ELAVL1: variants seen among roughly 807,000 people sequenced by gnomAD.
ELAVL1 encodes the protein ELAV like RNA binding protein 1, also known as ELAV-like protein 1.
In ELAVL1, 1 loss-of-function variant was observed where a neutral mutation model predicts 28.4. The observed-to-expected ratio is 0.04, with a 90% CI of 0.01 to 0.17. The LOEUF (loss-of-function observed/expected upper bound fraction) is 0.17, where lower values mean the gene tolerates loss of function less well. Among genes scored for constraint, ELAVL1 ranks in the 10% least tolerant of loss-of-function variants. The probability of loss-of-function intolerance (pLI) is 1.00; values close to 1 mark genes in which losing one functional copy is unlikely to be tolerated. For missense variants in ELAVL1, 157 were observed against 447.2 expected (o/e 0.35, Z 5.85); for synonymous variants, 174 against 183.5 (o/e 0.95, Z 0.42).
chr19:7,977,527 CAG>C (rs57368757), intron 3 of ELAVL1, among the ~76,000 whole-genome samples: 8,211 of 152,248 alleles, frequency 0.054, 583 homozygotes, highest in African/African-American at 0.16. Flanking sequence ...GAGCTGCACA[CAG>C]AGACTGTGCA....
Position 7,960,139 on chromosome 19 carries a change from T to A in ELAVL1, c.*3344A>T, listed in dbSNP as rs1162487206. 1.3e-5 allele frequency: 2 copies of A among 152,162 alleles called. No individual in the cohort carries two copies. The highest frequency in any genetic ancestry group is 4.8e-5 in the African/African-American group (2 of 41,438). The allele number at this position is 152,162 out of a possible 1,614,324, so 9.4% of individuals were successfully genotyped here. On this transcript the variant is annotated 3_prime_UTR_variant, in exon 6 of 6. Coordinates refer to ENST00000407627, the MANE Select transcript of ELAVL1 (RefSeq NM_001419.3). ...TTGGAAGCAAACCGGGTCAAGGAAT[T>A]GCCACTAACCGTCTTCGGGTGCTTC...
chr19:7,984,911 C>A (rs562726043), intron 2 of ELAVL1, among the ~76,000 whole-genome samples: 2 of 152,294 alleles, frequency 1.3e-5, no homozygotes, highest in East Asian at 3.9e-4. Flanking sequence ...CCAATGAAGT[C>A]AGAAAAGGAG....
At chr19:7,978,220 A>G (rs140537875) in intron 3 of ELAVL1, among the ~76,000 whole-genome samples, 3 of 152,330 alleles carry the variant, frequency 2.0e-5, no homozygotes, top group Non-Finnish European at 4.4e-5. Context: ...GAAGCTTGTA[A>G]AACTCCTGGA....
At chr19:8,001,626 TAAAA>T (rs1218181799) in intron 1 of ELAVL1, among the ~76,000 whole-genome samples, 1 of 145,244 alleles carries the variant, frequency 6.9e-6, no homozygotes, top group Non-Finnish European at 1.5e-5. Flanking sequence ...GTCTCACTCT[TAAAA>T]AAAATTTTTT....
chr19:7,986,641 A>T (rs1030610458), intron 2 of ELAVL1, among the ~76,000 whole-genome samples: 1 of 152,238 alleles, frequency 6.6e-6, no homozygotes, highest in Non-Finnish European at 1.5e-5. Context: ...ACCGGCAGGA[A>T]GACTTTCTAT....
chr19:7,973,561 C>G, intron 4 of ELAVL1, 164 bp downstream of exon 4: 1 of 846,224 alleles, frequency 1.2e-6, no homozygotes, highest in Non-Finnish European at 1.8e-6. Context: ...CATCTTACCT[C>G]CTCAGCCTCC....
intron 4 of ELAVL1, chr19:7,973,394 C>A: frequency 2.5e-6 from 1 of 398,568 alleles, no homozygotes; most frequent in East Asian, 3.7e-5. Context: ...CCATGCCCAG[C>A]TAATTTTTTG....
rs1985393308 is a variant in ELAVL1, at chr19:7,979,498, C to T, written c.276+1585G>A. ...GAATAATCAAGCGTTCTGCTCCACA[C>T]CTCAGCCTGGCTGCCTCAGAAACAA... On this transcript the variant is annotated intron_variant, in intron 3 of 5. Transcript: ENST00000407627. This position sits in a 1 kb window ranked among gnomAD's most constrained non-coding sequence, Gnocchi z 5.4. Among the ~76,000 whole-genome samples the T allele has an allele frequency of 6.6e-6, 1 of 152,240 alleles. No homozygotes were observed. Among genetic ancestry groups the T allele is most frequent in the African/African-American group, 2.4e-5 (1 of 41,454 alleles).
In ELAVL1 at chr19:7,968,143, C is replaced by T. The variant is rs535273728; in HGVS notation, c.431-353G>A. On this transcript the variant is annotated intron_variant, in intron 4 of 5. Coordinates refer to ENST00000407627, the MANE Select transcript of ELAVL1 (RefSeq NM_001419.3). ...CGTCACTATTTAGCTGCCAGGTGTC[C>T]GCCACAGAGTGGGTGCGTGGGTGTG... is the stretch of plus-strand genomic sequence containing the variant. Among the ~76,000 whole-genome samples the T allele has an allele frequency of 3.9e-5, 6 of 152,296 alleles. No homozygotes were observed. In the South Asian group the frequency reaches 6.2e-4, roughly 16 times the overall value.
chr19:7,968,802 C>G (rs987003685), intron 4 of ELAVL1, among the ~76,000 whole-genome samples: 10 of 152,200 alleles, frequency 6.6e-5, no homozygotes, highest in African/African-American at 9.6e-5. Flanking sequence ...ATACACTAGG[C>G]CCGGGAGGGA....
At position 7,979,999 on chromosome 19, in the gene ELAVL1, C is replaced by T. The variant is rs546525699; in HGVS notation, c.276+1084G>A. Among the ~76,000 whole-genome samples the T allele has an allele frequency of 1.2e-4, 19 of 152,236 alleles. No homozygotes were observed. In the East Asian group the frequency reaches 3.3e-3, roughly 26 times the overall value. On this transcript the variant is annotated intron_variant, in intron 3 of 5. Coordinates refer to ENST00000407627, the MANE Select transcript of ELAVL1 (RefSeq NM_001419.3). This position sits in a 1 kb window ranked among gnomAD's most constrained non-coding sequence, Gnocchi z 5.4. Reference sequence around the variant, plus strand: ...CCATGGAATCTATATGTTACAGCTCCCCAGGAGGCCCTAATAATTGGCAGG... The same window carrying T: ...CCATGGAATCTATATGTTACAGCTCTCCAGGAGGCCCTAATAATTGGCAGG...
chr19:7,987,195 C>T (rs572901284), intron 2 of ELAVL1, among the ~76,000 whole-genome samples: 15 of 152,154 alleles, frequency 9.9e-5, no homozygotes, highest in African/African-American at 3.6e-4. Context: ...GACACCCCCT[C>T]CTCCGGGATG....
rs201788480 is a variant in ELAVL1 at position 7,963,828 on chromosome 19, G to A, written c.657-21C>T. 186 of 1,608,740 alleles carry A rather than the reference G, an allele frequency of 1.2e-4. 1 individual carries two copies. In the African/African-American group the frequency reaches 2.0e-3, roughly 18 times the overall value. On this transcript the variant is annotated intron_variant, in intron 5 of 5. Transcript: ENST00000407627. The surrounding 1 kb of genome is among the most constrained non-coding windows in gnomAD (Gnocchi z 4.5). ...AGAACCTGGCAGACAGAGAGCAAGCGTCAGGCCACGGTCAGCGCAGGCGGC... is the reference window on the plus strand; with the variant it reads ...AGAACCTGGCAGACAGAGAGCAAGCATCAGGCCACGGTCAGCGCAGGCGGC...
chr19:7,974,153 G>A (rs935594899), intron 3 of ELAVL1, among the ~76,000 whole-genome samples: 2 of 152,250 alleles, frequency 1.3e-5, no homozygotes, highest in Non-Finnish European at 2.9e-5. Context: ...CCCAGCAACT[G>A]AGGGCCCGCA....
At chr19:7,967,893 G>T in intron 4 of ELAVL1, 103 bp from the exon 5 acceptor site, 1 of 1,278,266 alleles carries the variant, frequency 7.8e-7, no homozygotes, top group Non-Finnish European at 1.1e-6. Context: ...CAGGCTAGAA[G>T]TCTGGTTAAG....
chr19:8,005,130 C>T (rs1360167832), intron 1 of ELAVL1, among the ~76,000 whole-genome samples: 1 of 152,146 alleles, frequency 6.6e-6, no homozygotes, highest in African/African-American at 2.4e-5. Context: ...CCTCTGCGCG[C>T]TCAAAGCGTT....
intron 1 of ELAVL1, among the ~76,000 whole-genome samples, chr19:7,994,178 C>G (rs1346935949): frequency 6.6e-6 from 1 of 152,142 alleles, no homozygotes; most frequent in Non-Finnish European, 1.5e-5. Context: ...AGAAAAGATT[C>G]ACTGCATATT....
rs919267901 is a variant in ELAVL1 at position 7,967,603 on chromosome 19, C to T, written c.618G>A (p.Arg206=). The T allele has an allele frequency of 1.9e-6, 3 of 1,614,132 alleles. No homozygotes were observed. Among genetic ancestry groups the T allele is most frequent in the Non-Finnish European group, 1.7e-6 (2 of 1,180,000 alleles). Reference sequence around the variant, plus strand: ...CCTGGTGGTGAACGGGGCCTCCGAACCGTCGCGCTGGCGAGTGGTACAGCT... The same window carrying T: ...CCTGGTGGTGAACGGGGCCTCCGAATCGTCGCGCTGGCGAGTGGTACAGCT... ...LSQLYHSPAR[R]FGGPVHHQAQ... The change falls in exon 5 of 6, where the codon CGG becomes CGA. Residue 206 remains arginine (R), a synonymous_variant. Transcript: ENST00000407627.
chr19:7,966,907 C>CATG (rs1984969846), intron 5 of ELAVL1, among the ~76,000 whole-genome samples: 1 of 152,300 alleles, frequency 6.6e-6, no homozygotes, highest in African/African-American at 2.4e-5. Context: ...TGTGTGCTCC[C>CATG]CCACACTGGG....
Sources: gnomAD v4.1 joint callset for allele counts (sites outside exome capture counted in the v4.1 genomes callset) on GRCh38, gnomAD v4.1.1 for gene constraint, Gnocchi (gnomAD v3.1) non-coding constraint, MANE v1.5 for transcripts, NCBI Gene and HGNC (gene_info 2026-07-23, HGNC 2026-07-21) for gene names.